Variants in RFTN2 observed in about 807,000 individuals in gnomAD.
RFTN2 encodes raftlin-2.
A neutral mutation model predicts 52.7 loss-of-function variants in RFTN2; 34 were observed. That is an observed-to-expected ratio of 0.64 (90% CI 0.49 to 0.86). The LOEUF is 0.86. Among genes scored for constraint, RFTN2 ranks in the 40% least tolerant of loss-of-function variants. The pLI is 0.00. For missense variants in RFTN2, 536 were observed against 600.1 expected, an observed-to-expected ratio of 0.89 and a Z score of 1.12; for synonymous variants, 203 against 217.7, an observed-to-expected ratio of 0.93 and a Z score of 0.59.
intron 1 of RFTN2, among the ~76,000 whole-genome samples, chr2:197,672,217 T>C (rs956830010): frequency 6.6e-6 from 1 of 152,162 alleles, no homozygotes; most frequent in African/African-American, 2.4e-5. Flanking sequence ...TCGGCCTACC[T>C]AGATGAAACT....
At chr2:197,636,100 T>A (rs1220694207) in intron 3 of RFTN2, among the ~76,000 whole-genome samples, 1 of 151,848 alleles carries the variant, frequency 6.6e-6, no homozygotes, top group Non-Finnish European at 1.5e-5. Context: ...GATCTATATC[T>A]CTTGTTTTGG....
chr2:197,579,313 C>T (rs2087468383), intron 8 of RFTN2, among the ~76,000 whole-genome samples: 1 of 152,334 alleles, frequency 6.6e-6, no homozygotes, highest in Non-Finnish European at 1.5e-5. Flanking sequence ...TCTCTACCCT[C>T]TCTTTTCTCT....
rs2088460953 is a variant in RFTN2 at position 197,631,053 on chromosome 2, A to G, written c.886T>C (p.Leu296=). The G allele has an allele frequency of 6.2e-7, 1 of 1,612,556 alleles. No individual in the cohort carries two copies. The highest frequency in any genetic ancestry group is 1.1e-5 in the South Asian group (1 of 90,994). The change falls in exon 5 of 9, where the codon TTG becomes CTG. Residue 296 remains leucine (L), a synonymous_variant. Transcript: ENST00000295049. Reference sequence around the variant, plus strand: ...AATACAAAAGAATCAATTAAAGACAAGCCTTGTTTATAATAAAAGGTAGTT... The same window carrying G: ...AATACAAAAGAATCAATTAAAGACAGGCCTTGTTTATAATAAAAGGTAGTT... ...ELTTFYYKQG[L]SLIDSFVFWE...
chr2:197,640,708 G>A (rs1013363863), intron 3 of RFTN2, among the ~76,000 whole-genome samples: 2 of 152,170 alleles, frequency 1.3e-5, no homozygotes, highest in African/African-American at 4.8e-5. Context: ...CGTCGCTCAC[G>A]CCGGGAGCTG....
chr2:197,660,561 G>A (rs890569262), intron 1 of RFTN2, among the ~76,000 whole-genome samples: 2 of 151,608 alleles, frequency 1.3e-5, no homozygotes, highest in Non-Finnish European at 2.9e-5. Context: ...ATTACTTTGA[G>A]TATTTATCAT....
chr2:197,661,784 A>G (rs1364316470), intron 1 of RFTN2, among the ~76,000 whole-genome samples: 1 of 152,138 alleles, frequency 6.6e-6, no homozygotes, highest in African/African-American at 2.4e-5. Flanking sequence ...TTTTCTCTAC[A>G]TCCTCATCTC....
chr2:197,603,948 A>G (rs962056965), intron 7 of RFTN2, among the ~76,000 whole-genome samples: 2 of 151,956 alleles, frequency 1.3e-5, no homozygotes, highest in Non-Finnish European at 2.9e-5. Context: ...AACAAAAAAC[A>G]AAAAAACATA....
intron 2 of RFTN2, among the ~76,000 whole-genome samples, chr2:197,645,293 G>T (rs754529415): frequency 3.3e-5 from 5 of 152,192 alleles, no homozygotes; most frequent in Non-Finnish European, 7.3e-5. Flanking sequence ...AGACTGTACA[G>T]GTTTGGAGTC....
chr2:197,601,665 T>C (rs1275428653), intron 7 of RFTN2, among the ~76,000 whole-genome samples: 5 of 152,158 alleles, frequency 3.3e-5, no homozygotes, highest in Admixed American at 3.3e-4. Flanking sequence ...TAGAAAACTT[T>C]ATAATTAGTG....
intron 3 of RFTN2, among the ~76,000 whole-genome samples, chr2:197,640,638 A>C (rs1328909477): frequency 2.0e-5 from 3 of 151,952 alleles, no homozygotes; most frequent in African/African-American, 4.8e-5. Context: ...ACTGTCTGGC[A>C]CTCCCTAGTG....
chr2:197,663,885 A>T (rs1420572050), intron 1 of RFTN2, among the ~76,000 whole-genome samples: 1 of 152,060 alleles, frequency 6.6e-6, no homozygotes, highest in Non-Finnish European at 1.5e-5. Flanking sequence ...CAGGTACATT[A>T]TTAGACTGTT....
chr2:197,586,237 T>TGA (rs2087595560), intron 8 of RFTN2, among the ~76,000 whole-genome samples: 1 of 152,158 alleles, frequency 6.6e-6, no homozygotes, highest in Non-Finnish European at 1.5e-5. Flanking sequence ...CCCAGCCCCA[T>TGA]AAATAACAGT....
At chr2:197,627,171 T>A (rs944394747) in intron 5 of RFTN2, among the ~76,000 whole-genome samples, 3 of 152,198 alleles carry the variant, frequency 2.0e-5, no homozygotes, top group Non-Finnish European at 4.4e-5. Flanking sequence ...AAGGTCTTTG[T>A]ACATTTAGAT....
intron 1 of RFTN2, among the ~76,000 whole-genome samples, chr2:197,648,782 T>C (rs2088787111): frequency 6.6e-6 from 1 of 152,180 alleles, no homozygotes; most frequent in South Asian, 2.1e-4. Context: ...TGGAAGGACT[T>C]GGTGTTTCTG....
At chr2:197,608,307 C>T (rs925768384) in intron 7 of RFTN2, among the ~76,000 whole-genome samples, 2 of 145,728 alleles carry the variant, frequency 1.4e-5, no homozygotes, top group African/African-American at 5.2e-5. Context: ...CCTTAGGGAC[C>T]AGATTTTTTT....
At chr2:197,610,962 C>T (rs1027102865) in intron 7 of RFTN2, among the ~76,000 whole-genome samples, 5 of 152,088 alleles carry the variant, frequency 3.3e-5, no homozygotes, top group African/African-American at 4.8e-5. Flanking sequence ...AGGGATGAAG[C>T]CGACTTGATT....
chr2:197,648,033 G>T (rs966765086), intron 1 of RFTN2, among the ~76,000 whole-genome samples: 57 of 152,198 alleles, frequency 3.7e-4, no homozygotes, highest in African/African-American at 1.4e-3. Flanking sequence ...TAAGTAACAA[G>T]ACATATGAAA....
chr2:197,636,404 T>C (rs1406593584), intron 3 of RFTN2, among the ~76,000 whole-genome samples: 32 of 139,424 alleles, frequency 2.3e-4, no homozygotes, highest in Non-Finnish European at 4.3e-4. Context: ...TTGTATACTC[T>C]TTTATTTCCT....
intron 3 of RFTN2, among the ~76,000 whole-genome samples, chr2:197,640,440 C>A (rs1394484921): frequency 1.3e-5 from 2 of 152,130 alleles, no homozygotes; most frequent in Admixed American, 6.5e-5. Flanking sequence ...TCTCGTGGTG[C>A]GCCGTTTTTT....
Sources: allele counts gnomAD v4.1 joint callset (sites outside exome capture counted in the v4.1 genomes callset), GRCh38; gene constraint gnomAD v4.1.1; transcripts MANE v1.5; gene names NCBI Gene and HGNC (gene_info 2026-07-23, HGNC 2026-07-21).